Variants in NCOA2 observed in about 807,000 individuals in gnomAD.
NCOA2 encodes the protein class E basic helix-loop-helix protein 75.
Under a neutral mutation model 145.1 loss-of-function variants are expected in NCOA2, and 21 were observed. The observed-to-expected ratio is 0.14, with a 90% confidence interval of 0.10 to 0.21. The LOEUF (loss-of-function observed/expected upper bound fraction) is 0.21. Among genes scored for constraint, NCOA2 ranks in the 10% least tolerant of loss-of-function variants. NCOA2 has a pLI of 1.00. For missense variants in NCOA2, 1,472 were observed against 1,837.6 expected (o/e 0.80, Z 3.64); for synonymous variants, 619 against 637.5 (o/e 0.97, Z 0.44).
At position 70,355,575 on chromosome 8, in the gene NCOA2, G is replaced by GT. The variant is rs113527053; in HGVS notation, c.-77+48124dup. Among the ~76,000 whole-genome samples, 465 of 151,190 alleles carry GT rather than the reference G, an allele frequency of 3.1e-3. 5 individuals carry two copies. Among genetic ancestry groups the GT allele is most frequent in the African/African-American group, 0.011 (451 of 41,244 alleles). On this transcript the variant is annotated intron_variant, in intron 1 of 22. Transcript: ENST00000452400. ...TTTTCAAATGTCATGAGATTTTTTT[G>GT]TTTTTTTCTTTTTTTTTTTCTCTCA...
chr8:70,308,759 A>G (rs907409953), intron 1 of NCOA2, among the ~76,000 whole-genome samples: 1 of 152,186 alleles, frequency 6.6e-6, no homozygotes, highest in Non-Finnish European at 1.5e-5. Flanking sequence ...TTTGATATCT[A>G]AACACTTGGA....
At chr8:70,134,595 T>A (rs540625958) in intron 15 of NCOA2, among the ~76,000 whole-genome samples, 249 of 152,314 alleles carry the variant, frequency 1.6e-3, no homozygotes, top group African/African-American at 5.8e-3. Context: ...CAGCCTCACA[T>A]CTGGCGGAAA....
chr8:70,410,477 T>C, the NCOA2 span, among the ~76,000 whole-genome samples: 1 of 152,264 alleles, frequency 6.6e-6, no homozygotes, highest in Non-Finnish European at 1.5e-5. Flanking sequence ...ACTACAGGTG[T>C]GTGCCACCAC....
chr8:70,182,816 T>G (rs902995409), intron 4 of NCOA2, among the ~76,000 whole-genome samples: 3 of 152,158 alleles, frequency 2.0e-5, no homozygotes, highest in African/African-American at 7.2e-5. Context: ...TATAGGAGCT[T>G]AAATTTAAAG....
At chr8:70,205,619 G>T (rs1818354213) in intron 4 of NCOA2, among the ~76,000 whole-genome samples, 1 of 152,034 alleles carries the variant, frequency 6.6e-6, no homozygotes, top group African/African-American at 2.4e-5. Flanking sequence ...AAAAAAAGAG[G>T]CATTCCCAAA....
the NCOA2 span, among the ~76,000 whole-genome samples, chr8:70,444,947 G>T: frequency 6.6e-6 from 1 of 152,106 alleles, no homozygotes; most frequent in Admixed American, 6.6e-5. Flanking sequence ...ACTTATTAGG[G>T]TCCACTAGTT....
intron 2 of NCOA2, chr8:70,273,925 T>C (rs755228831): frequency 2.0e-4 from 83 of 411,492 alleles, no homozygotes; most frequent in Admixed American, 3.8e-4. Flanking sequence ...TTATGACTGC[T>C]TTTTAAGAAA....
intron 2 of NCOA2, among the ~76,000 whole-genome samples, chr8:70,285,828 G>T (rs902295617): frequency 1.3e-5 from 2 of 152,190 alleles, no homozygotes; most frequent in African/African-American, 4.8e-5. Flanking sequence ...GGGCTTTCAT[G>T]TAATCAACAA....
intron 1 of NCOA2, among the ~76,000 whole-genome samples, chr8:70,340,803 A>G (rs964078570): frequency 1.3e-5 from 2 of 152,192 alleles, no homozygotes; most frequent in African/African-American, 4.8e-5. Context: ...ACATGAAGTT[A>G]CTATCCTCAG....
intron 5 of NCOA2, among the ~76,000 whole-genome samples, chr8:70,174,510 A>G (rs62533469): frequency 0.067 from 10,277 of 152,252 alleles, 484 homozygotes; most frequent in Non-Finnish European, 0.11. Context: ...TCAACTGGCA[A>G]TTACAACTTG....
intron 11 of NCOA2, among the ~76,000 whole-genome samples, chr8:70,152,354 G>A (rs1444275713): frequency 6.6e-6 from 1 of 152,026 alleles, no homozygotes; most frequent in Non-Finnish European, 1.5e-5. Context: ...TAAATTACAA[G>A]GCATCTTTTC....
intron 4 of NCOA2, among the ~76,000 whole-genome samples, chr8:70,203,261 C>CAAAAAAAAAAAA (rs34990647): frequency 1.6e-5 from 2 of 121,944 alleles, no homozygotes; most frequent in Non-Finnish European, 3.3e-5. Flanking sequence ...GACTCTGTCT[C>CAAAAAAAAAAAA]AAAAAAAAAA....
intron 1 of NCOA2, among the ~76,000 whole-genome samples, chr8:70,330,174 A>G (rs371669877): frequency 6.6e-6 from 1 of 151,844 alleles, no homozygotes; most frequent in East Asian, 2.0e-4. Context: ...ACAGGATATG[A>G]AGATTATAAA....
chr8:70,168,612 AG>A (rs921628286), intron 6 of NCOA2, among the ~76,000 whole-genome samples: 1 of 152,332 alleles, frequency 6.6e-6, no homozygotes, highest in Admixed American at 6.5e-5. Flanking sequence ...TGAGCCACTG[AG>A]CCCAGCCAGT....
the NCOA2 span, among the ~76,000 whole-genome samples, chr8:70,417,010 A>G: frequency 1.3e-5 from 2 of 152,158 alleles, no homozygotes; most frequent in Non-Finnish European, 2.9e-5. Flanking sequence ...GAAAGAAAAC[A>G]AGATATTTGC....
At chr8:70,300,273 T>G (rs1317533695) in intron 1 of NCOA2, among the ~76,000 whole-genome samples, 2 of 152,182 alleles carry the variant, frequency 1.3e-5, no homozygotes, top group Non-Finnish European at 2.9e-5. Flanking sequence ...TCCTGCTACT[T>G]AAAATGGGTG....
At chr8:70,210,364 C>G (rs969975518) in intron 4 of NCOA2, among the ~76,000 whole-genome samples, 2 of 152,154 alleles carry the variant, frequency 1.3e-5, no homozygotes, top group Admixed American at 6.5e-5. Context: ...ACTAACTTAG[C>G]TAATAACTAA....
intron 1 of NCOA2, among the ~76,000 whole-genome samples, chr8:70,381,574 A>AG (rs1345187168): frequency 2.0e-5 from 3 of 152,248 alleles, no homozygotes; most frequent in Non-Finnish European, 4.4e-5. Flanking sequence ...CCAGCCTAGC[A>AG]GGTGAATTGG....
the NCOA2 span, among the ~76,000 whole-genome samples, chr8:70,446,148 A>G: frequency 4.0e-4 from 61 of 152,292 alleles, no homozygotes; most frequent in African/African-American, 1.4e-3. Context: ...CTTCAGAGCA[A>G]GCTGTCTCCA....
Sources: gnomAD v4.1 joint callset for allele counts (sites outside exome capture counted in the v4.1 genomes callset) on GRCh38, gnomAD v4.1.1 for gene constraint, MANE v1.5 for transcripts, NCBI Gene and HGNC (gene_info 2026-07-23, HGNC 2026-07-21) for gene names.